Variants in ARHGEF3 observed in about 807,000 individuals in gnomAD.
ARHGEF3 encodes 59.8 kDA protein.
ARHGEF3 carries 28 observed loss-of-function variants against 63.2 expected under a neutral mutation model. The ratio of observed to expected loss-of-function variants is 0.44; its 90% confidence interval spans 0.33 to 0.61. The LOEUF (loss-of-function observed/expected upper bound fraction) is 0.61. Ranked by LOEUF, ARHGEF3 falls within the 20% of genes least tolerant of loss-of-function variation. The probability of loss-of-function intolerance (pLI) is 0.03; values close to 1 mark genes in which losing one functional copy is unlikely to be tolerated. For missense variants in ARHGEF3, 533 were observed against 659.3 expected (o/e 0.81, Z 2.10); for synonymous variants, 266 against 254.2 (o/e 1.05, Z -0.44).
upstream of ARHGEF3, among the ~76,000 whole-genome samples, chr3:56,805,528 C>T (rs893365424): frequency 6.6e-6 from 1 of 152,224 alleles, no homozygotes; most frequent in African/African-American, 2.4e-5. Context: ...AGCCACTGTG[C>T]CTGGCCTCCG....
chr3:56,739,652 G>T (rs553481411), intron 7 of ARHGEF3, among the ~76,000 whole-genome samples: 4 of 151,916 alleles, frequency 2.6e-5, no homozygotes, highest in African/African-American at 9.7e-5. Flanking sequence ...TGCCTGCCTC[G>T]GCCTCCCAAA....
At chr3:56,930,115 C>T (rs1425741977) in intron 3 of ARHGEF3, among the ~76,000 whole-genome samples, 1 of 152,136 alleles carries the variant, frequency 6.6e-6, no homozygotes, top group Non-Finnish European at 1.5e-5. Context: ...TTGCACCTTC[C>T]CAATCTGACA....
intron 2 of ARHGEF3, among the ~76,000 whole-genome samples, chr3:56,771,614 A>G (rs981222424): frequency 3.3e-5 from 5 of 152,228 alleles, no homozygotes; most frequent in Non-Finnish European, 5.9e-5. Flanking sequence ...ATGTGGGAAC[A>G]CAGCACTGCA....
chr3:56,746,930 ATGTTATTAAAAATCTCT>A, intron 6 of ARHGEF3, among the ~76,000 whole-genome samples: 1 of 152,080 alleles, frequency 6.6e-6, no homozygotes. Context: ...CCTTCCTTAC[ATGTTATTAAAAATCTCT>A]ACTTGTGTTA....
At chr3:56,786,689 TAC>T (rs1421921040) in intron 1 of ARHGEF3, among the ~76,000 whole-genome samples, 1 of 152,176 alleles carries the variant, frequency 6.6e-6, no homozygotes, top group Admixed American at 6.5e-5. Flanking sequence ...TATCATTATC[TAC>T]AGTTTATTAA....
At chr3:56,865,790 G>A (rs942672778) in intron 4 of ARHGEF3, among the ~76,000 whole-genome samples, 6 of 152,140 alleles carry the variant, frequency 3.9e-5, no homozygotes, top group Non-Finnish European at 7.3e-5. Flanking sequence ...CTACAACCCA[G>A]AAGAGGACCC....
At chr3:57,054,036 G>A (rs564113655) in intron 1 of ARHGEF3, among the ~76,000 whole-genome samples, 1 of 152,298 alleles carries the variant, frequency 6.6e-6, no homozygotes, top group East Asian at 1.9e-4. Context: ...TGGAATTGCT[G>A]CAGCATAGGT....
chr3:56,740,604 A>G (rs551732930), intron 7 of ARHGEF3, among the ~76,000 whole-genome samples: 2 of 152,368 alleles, frequency 1.3e-5, no homozygotes, highest in Non-Finnish European at 2.9e-5. Context: ...ATTCAAAGAA[A>G]TGAGAGGATT....
chr3:56,845,026 GA>G (rs1162000993), intron 4 of ARHGEF3, among the ~76,000 whole-genome samples: 2 of 152,230 alleles, frequency 1.3e-5, no homozygotes, highest in Admixed American at 6.5e-5. Context: ...AGGCCATGTT[GA>G]AAGGCCCATG....
chr3:57,062,665 G>A (rs1463901433), intron 1 of ARHGEF3, among the ~76,000 whole-genome samples: 1 of 152,128 alleles, frequency 6.6e-6, no homozygotes, highest in Non-Finnish European at 1.5e-5. Context: ...TATCTGGTGG[G>A]AATGACAGGA....
At chr3:56,882,348 G>A (rs1260299049) in exon 4 of ARHGEF3, 3 of 1,551,484 alleles carry the variant, frequency 1.9e-6, no homozygotes, top group Admixed American at 2.0e-5. Context: ...CTCTGTTTCC[G>A]TTTTCGCTGC....
rs60214570 is a variant in ARHGEF3, at chr3:57,003,401, C to CAAAAAAAAAA, written c.62+31677_62+31686dup. Among the ~76,000 whole-genome samples the CAAAAAAAAAA allele has an allele frequency of 1.7e-3, 75 of 43,714 alleles. 2 individuals are homozygous for CAAAAAAAAAA. The highest frequency in any genetic ancestry group is 3.8e-3 in the African/African-American group (39 of 10,230). 28.7% of individuals were successfully genotyped at this position (43,714 alleles called of 152,430 possible). A position where few individuals can be genotyped will look rare whatever the true frequency, so the allele number is the denominator to read the frequency against. On this transcript the variant is annotated intron_variant, in intron 2 of 12. Transcript: ENST00000338458. ...CTGGCAACGAAGCGAGACGCCGTCT[C>CAAAAAAAAAA]AAAAAAAAAAAAAAAAAAAAAAAAA...
intron 2 of ARHGEF3, among the ~76,000 whole-genome samples, chr3:57,022,548 G>A (rs1703302301): frequency 1.3e-5 from 2 of 152,028 alleles, no homozygotes; most frequent in South Asian, 2.1e-4. Context: ...ATTCCTTCTT[G>A]TGCTCTGCCA....
rs991296040 is a variant in ARHGEF3 at position 56,950,523 on chromosome 3, GA to G, written c.129+8299del. ...ACATTTATGCAGCCAAAAGACACAT[GA>G]AAAAATGCTCATCATCACTGGCCAT... On this transcript the variant is annotated intron_variant, in intron 3 of 12. Coordinates refer to the ARHGEF3 transcript ENST00000338458. 2.0e-4 allele frequency among the ~76,000 whole-genome samples: 31 copies of G among 152,168 alleles called. 1 individual carries two copies. The highest frequency in any genetic ancestry group is 7.5e-4 in the African/African-American group (31 of 41,438).
At position 56,955,692 on chromosome 3, in the gene ARHGEF3, C is replaced by G. The variant is rs574150202; in HGVS notation, c.129+3131G>C. Reference sequence around the variant, plus strand: ...CCTAGAACAGCATGCACATCCTGGCCTAACAGACCTGGGAGTCAGATTTCA... The same window carrying G: ...CCTAGAACAGCATGCACATCCTGGCGTAACAGACCTGGGAGTCAGATTTCA... On this transcript the variant is annotated intron_variant, in intron 3 of 12. Transcript: ENST00000338458. Among the ~76,000 whole-genome samples the G allele has an allele frequency of 4.6e-5, 7 of 152,350 alleles. No homozygotes were observed. The South Asian group carries it at 1.2e-3, about 27-fold the overall frequency.
chr3:56,966,035 A>G (rs1700480641), intron 2 of ARHGEF3, among the ~76,000 whole-genome samples: 1 of 152,222 alleles, frequency 6.6e-6, no homozygotes, highest in East Asian at 1.9e-4. Flanking sequence ...AATCCAAGTT[A>G]TAGGAGATAT....
chr3:56,923,067 T>G (rs1165279777), intron 3 of ARHGEF3, among the ~76,000 whole-genome samples: 1 of 34,680 alleles, frequency 2.9e-5, no homozygotes, highest in Non-Finnish European at 6.5e-5. Context: ...TATATATATA[T>G]ATATATATAA....
chr3:56,773,656 C>T (rs1444019777), intron 2 of ARHGEF3, 53 bp downstream of exon 2: 5 of 1,442,992 alleles, frequency 3.5e-6, no homozygotes, highest in South Asian at 1.4e-5. Context: ...GGGGATGTTC[C>T]TTCCCGTACA....
At position 56,838,912 on chromosome 3, in the gene ARHGEF3, T is replaced by C. The variant is rs543376666; in HGVS notation, c.192+43380A>G. ...TGGGAGAACAAGGTGGGAGGATCAT[T>C]TGAGCCCAGGAGTTCAAGACCAGCC... On this transcript the variant is annotated intron_variant, in intron 4 of 12. Coordinates refer to the ARHGEF3 transcript ENST00000338458. Among the ~76,000 whole-genome samples the C allele has an allele frequency of 2.6e-5, 4 of 152,068 alleles. No individual in the cohort carries two copies. In the South Asian group the frequency reaches 8.3e-4, roughly 32 times the overall value.
Sources: gnomAD v4.1 joint callset for allele counts (sites outside exome capture counted in the v4.1 genomes callset) on GRCh38, gnomAD v4.1.1 for gene constraint, MANE v1.5 for transcripts, NCBI Gene and HGNC (gene_info 2026-07-23, HGNC 2026-07-21) for gene names.